The following PGBD1 variants were observed in gnomAD, a reference collection of about 807,000 sequenced individuals.
PGBD1 encodes piggyBac transposable element derived 1, also known as piggyBac transposable element-derived protein 1.
Under a neutral mutation model 34.7 loss-of-function variants are expected in PGBD1, and 25 were observed. The observed-to-expected ratio is 0.72, with a 90% confidence interval of 0.52 to 1.00. The LOEUF (loss-of-function observed/expected upper bound fraction) is 1.00, where lower values mean the gene tolerates loss of function less well. PGBD1 is among the 50% of genes least tolerant of loss of function. The pLI, the probability that PGBD1 is intolerant of heterozygous loss-of-function variation, is 0.00. For synonymous variants in PGBD1, 292 were observed against 335.7 expected, an observed-to-expected ratio of 0.87 and a Z score of 1.42; for missense variants, 830 against 959.4, an observed-to-expected ratio of 0.87 and a Z score of 1.78.
At chr6:28,292,676 A>G (rs1383521991) in intron 4 of PGBD1, among the ~76,000 whole-genome samples, 1 of 145,216 alleles carries the variant, frequency 6.9e-6, no homozygotes, top group African/African-American at 2.7e-5. Flanking sequence ...CAAAAATCAG[A>G]AAAAAAAATT....
intron 6 of PGBD1, 50 bp downstream of exon 6, chr6:28,298,041 T>G (rs759018606): frequency 2.3e-6 from 3 of 1,299,746 alleles, no homozygotes; most frequent in Non-Finnish European, 3.3e-6. Context: ...TATAAGAAAT[T>G]GGAATGGAAT....
rs778390430 is a variant in PGBD1 at position 28,301,876 on chromosome 6, T to G, written c.2022T>G (p.Phe674Leu). Reference sequence around the variant, plus strand: ...TGAAAAAAATGAAGAGAGGGTATTTTGATTTCCGAATAGAAGAAAACAATG... The same window carrying G: ...TGAAAAAAATGAAGAGAGGGTATTTGGATTTCCGAATAGAAGAAAACAATG... ...EHMKKMKRGY[F>L]DFRIEENNEI... is the part of the protein sequence containing the mutation. Residue 674 changes from phenylalanine to leucine, a missense_variant, in exon 7 of 7, where the codon TTT becomes TTG. Physicochemically the swap from Phe to Leu is conservative, Grantham distance 22. Coordinates refer to ENST00000682144, the MANE Select transcript of PGBD1 (RefSeq NM_032507.4). 7 of 1,614,170 alleles carry G rather than the reference T, an allele frequency of 4.3e-6. No individual in the cohort carries two copies. Among genetic ancestry groups the G allele is most frequent in the Non-Finnish European group, 5.9e-6 (7 of 1,180,030 alleles).
At chr6:28,291,613 T>C (rs144653831) in intron 4 of PGBD1, among the ~76,000 whole-genome samples, 68 of 149,356 alleles carry the variant, frequency 4.6e-4, no homozygotes, top group Middle Eastern at 3.6e-3. Context: ...GAGGCCAGCA[T>C]TGCCCTGATA....
chr6:28,284,010 G>A lies in PGBD1; in HGVS notation c.197G>A (p.Arg66Gln), dbSNP rs929582141. 6.8e-6 allele frequency: 11 copies of A among 1,614,028 alleles called. No individual in the cohort carries two copies. Among genetic ancestry groups the A allele is most frequent in the African/African-American group, 4.0e-5 (3 of 74,914 alleles). The part of the protein sequence containing the change: ...HGPQEALAQL[R>Q]ELCHQWLRPE... ...CCCCAGGAAGCTCTGGCCCAACTCCGAGAACTTTGTCATCAATGGCTGAGA... is the reference window on the plus strand; with the variant it reads ...CCCCAGGAAGCTCTGGCCCAACTCCAAGAACTTTGTCATCAATGGCTGAGA... Residue 66 changes from arginine to glutamine, a missense_variant, in exon 2 of 7, where the codon CGA (arginine) becomes CAA (glutamine). Arg to Gln is a conservative substitution (Grantham distance 43). Transcript: ENST00000682144.
In PGBD1 at chr6:28,302,036, A is replaced by G. The variant is rs1244577240; in HGVS notation, c.2182A>G (p.Ile728Val). The change falls in exon 7 of 7, where the codon ATA (isoleucine) becomes GTA (valine). Residue 728 changes from isoleucine to valine, a missense_variant. Transcript: ENST00000682144. ...EEIPQISQPS[I>V]VKVYDECKEG... ...AATCCCTCAGATAAGTCAACCATCC[A>G]TAGTAAAAGTGTATGATGAATGCAA... 5 of 1,614,082 alleles carry G rather than the reference A, an allele frequency of 3.1e-6. No individual in the cohort carries two copies. The highest frequency in any genetic ancestry group is 1.1e-5 in the South Asian group (1 of 91,092).
At position 28,284,312 on chromosome 6, in the gene PGBD1, A is replaced by G. The variant is rs548365222; in HGVS notation, c.396+103A>G. ...GAAATAACTCCTAATTTATAGAAGT[A>G]TTAGAAGAATAGAGAACTCCCGTAA... On this transcript the variant is annotated intron_variant, in intron 2 of 6. Coordinates refer to ENST00000682144, the MANE Select transcript of PGBD1 (RefSeq NM_032507.4). 12 of 1,278,770 alleles carry G rather than the reference A, an allele frequency of 9.4e-6. No homozygotes were observed. In the African/African-American group the frequency reaches 1.8e-4, roughly 19 times the overall value. The allele number at this position is 1,278,770 out of a possible 1,614,324, so 79.2% of individuals were successfully genotyped here.
At chr6:28,289,395 A>C (rs1762380526) in intron 4 of PGBD1, among the ~76,000 whole-genome samples, 2 of 152,260 alleles carry the variant, frequency 1.3e-5, no homozygotes, top group African/African-American at 4.8e-5. Context: ...ACAAGCTGAG[A>C]GAGTACACCA....
chr6:28,285,635 C>G lies in PGBD1; in HGVS notation c.481C>G (p.Leu161Val). 6.2e-7 allele frequency: 1 copy of G among 1,614,176 alleles called. No homozygotes were observed. Among genetic ancestry groups the G allele is most frequent in the South Asian group, 1.1e-5 (1 of 91,088 alleles). The change falls in exon 3 of 7, where the codon CTC (leucine) becomes GTC (valine). Residue 161 changes from leucine to valine, a missense_variant. Around this residue, in one of 3 missense-constraint regions of PGBD1, gnomAD observed 457 missense variants for 515.4 expected, o/e 0.89. Coordinates refer to ENST00000682144, the MANE Select transcript of PGBD1 (RefSeq NM_032507.4). ...CTCTTTGGAGTGTCAGAGCCTCCAG[C>G]TCCTGCCTGGGATAACCACCCTGAA... The part of the protein sequence containing the change: ...GVSLECQSLQ[L>V]LPGITTLKCE...
rs1210339762 is a variant in PGBD1, at chr6:28,296,887, T to C, written c.714T>C (p.Thr238=). The C allele has an allele frequency of 1.2e-6, 2 of 1,614,062 alleles. No homozygotes were observed. Among genetic ancestry groups the C allele is most frequent in the Non-Finnish European group, 1.7e-6 (2 of 1,180,016 alleles). The change falls in exon 5 of 7, where the codon ACT becomes ACC. Residue 238 remains threonine, a synonymous_variant. Transcript: ENST00000682144. ...AAEKWSHLSL[T]RRNLCGNSAQ... Reference sequence around the variant, plus strand: ...AGAAGTGGTCACATCTGAGTCTGACTCGGAGGAACCTCTGTGGGAACTCAG... The same window carrying C: ...AGAAGTGGTCACATCTGAGTCTGACCCGGAGGAACCTCTGTGGGAACTCAG...
chr6:28,292,558 T>C (rs1201367735), intron 4 of PGBD1, among the ~76,000 whole-genome samples: 18 of 152,222 alleles, frequency 1.2e-4, no homozygotes, highest in East Asian at 3.9e-4. Context: ...TGGAAAGATA[T>C]TCCATTCTAA....
At chr6:28,297,789 T>A in intron 5 of PGBD1, 106 bp from the exon 6 acceptor site, 1 of 661,776 alleles carries the variant, frequency 1.5e-6, no homozygotes, top group East Asian at 3.1e-5. Context: ...TTTGTTTGAT[T>A]TGGAACATCT....
chr6:28,287,285 A>G, intron 4 of PGBD1, 117 bp downstream of exon 4: 2 of 842,264 alleles, frequency 2.4e-6, no homozygotes, highest in Non-Finnish European at 4.0e-6. Flanking sequence ...CAGGTGGCAT[A>G]GTCCCTCTGC....
At position 28,283,888 on chromosome 6, in the gene PGBD1, C is replaced by T. The variant is rs1382968620; in HGVS notation, c.75C>T (p.Thr25=). 1.9e-6 allele frequency: 3 copies of T among 1,613,460 alleles called. No individual in the cohort carries two copies. Among genetic ancestry groups the T allele is most frequent in the African/African-American group, 1.3e-5 (1 of 75,034 alleles). The change falls in exon 2 of 7, where the codon ACC becomes ACT. Residue 25 remains threonine, a synonymous_variant. Coordinates refer to ENST00000682144, the MANE Select transcript of PGBD1 (RefSeq NM_032507.4). ...TGAAAGTGAAGGAGGAAGATCCCAC[C>T]TGGGAGCAGGTGTGCAACTCACAGG... ...GLVKVKEEDP[T]WEQVCNSQEG...
At chr6:28,290,798 C>G (rs969261566) in intron 4 of PGBD1, among the ~76,000 whole-genome samples, 1 of 151,998 alleles carries the variant, frequency 6.6e-6, no homozygotes, top group Non-Finnish European at 1.5e-5. Context: ...CAAGAAAAAC[C>G]TTGGAAACTA....
chr6:28,285,470 C>T, intron 2 of PGBD1, 81 bp from the exon 3 acceptor site: 3 of 1,383,758 alleles, frequency 2.2e-6, no homozygotes, highest in Non-Finnish European at 2.9e-6. Flanking sequence ...CTGCTGTATC[C>T]CCAGCATGTA....
chr6:28,284,635 C>T (rs1762234853), intron 2 of PGBD1, among the ~76,000 whole-genome samples: 1 of 152,186 alleles, frequency 6.6e-6, no homozygotes, highest in Non-Finnish European at 1.5e-5. Context: ...CCACCTCAGG[C>T]TCCTGAGTAG....
rs1762311824 is a variant in PGBD1 at position 28,287,153 on chromosome 6, C to T, written c.627C>T (p.Asn209=). 1.2e-6 allele frequency: 2 copies of T among 1,613,378 alleles called. No homozygotes were observed. The highest frequency in any genetic ancestry group is 1.3e-5 in the African/African-American group (1 of 74,878). Residue 209 remains asparagine (N), a synonymous_variant, in exon 4 of 7, where the codon AAC becomes AAT. Coordinates refer to ENST00000682144, the MANE Select transcript of PGBD1 (RefSeq NM_032507.4). ...ACAAGGCTGTAGTGCCTGTGTTTAA[C>T]CCAGTCAGGTCCCAGGTAAGTAGGA... ...PRDKAVVPVF[N]PVRSQTLVKT...
Position 28,301,953 on chromosome 6 carries a change from A to G in PGBD1, c.2099A>G (p.Asn700Ser), listed in dbSNP as rs148102095. The change falls in exon 7 of 7, where the codon AAT becomes AGT. Residue 700 changes from asparagine (N) to serine (S), a missense_variant. By Grantham distance (46) the Asn-to-Ser change is conservative. Transcript: ENST00000682144. ...GATGGCATTATCAGTCTGTGCTCCA[A>G]TGCTGTGGGCATAGAACCAGTCAAT... The part of the protein sequence containing the change: ...YGDGIISLCS[N>S]AVGIEPVNEV... 1.4e-4 allele frequency: 234 copies of G among 1,614,084 alleles called. No individual in the cohort carries two copies. The highest frequency in any genetic ancestry group is 1.9e-4 in the Non-Finnish European group (223 of 1,180,044).
chr6:28,295,791 TGTG>T (rs1437452715), intron 4 of PGBD1, among the ~76,000 whole-genome samples: 2 of 152,212 alleles, frequency 1.3e-5, no homozygotes, highest in Admixed American at 1.3e-4. Flanking sequence ...TTTGCCTTAT[TGTG>T]GTGGTCTGGA....
Sources: allele counts gnomAD v4.1 joint callset (sites outside exome capture counted in the v4.1 genomes callset), GRCh38; gene constraint gnomAD v4.1.1; regional missense constraint gnomAD v4.1.1; transcripts MANE v1.5; gene names NCBI Gene and HGNC (gene_info 2026-07-23, HGNC 2026-07-21).